Variants in CCDC91 observed in about 807,000 individuals in gnomAD.
The protein encoded by CCDC91 is coiled-coil domain-containing protein 91.
A neutral mutation model predicts 63.2 loss-of-function variants in CCDC91; 48 were observed. The ratio of observed to expected loss-of-function variants is 0.76; its 90% CI spans 0.60 to 0.97. The LOEUF is 0.97. Among genes scored for constraint, CCDC91 ranks in the 50% least tolerant of loss-of-function variants. CCDC91 has a pLI of 0.00. For missense variants in CCDC91, 500 were observed against 494.6 expected (o/e 1.01, Z -0.10); for synonymous variants, 167 against 165.8 (o/e 1.01, Z -0.06).
chr12:28,343,806 A>C (rs74643548), intron 6 of CCDC91, among the ~76,000 whole-genome samples: 1 of 152,142 alleles, frequency 6.6e-6, no homozygotes, highest in Non-Finnish European at 1.5e-5. Flanking sequence ...CTTTTGGTAC[A>C]CTGGTAATTT....
chr12:28,469,664 A>G (rs1950713822), intron 11 of CCDC91, among the ~76,000 whole-genome samples: 1 of 152,156 alleles, frequency 6.6e-6, no homozygotes, highest in South Asian at 2.1e-4. Flanking sequence ...AATTGGAGAA[A>G]TCACATTACC....
chr12:28,274,376 A>G (rs1186611603), intron 3 of CCDC91, among the ~76,000 whole-genome samples: 1 of 152,150 alleles, frequency 6.6e-6, no homozygotes, highest in Non-Finnish European at 1.5e-5. Context: ...AGTTCTGTGA[A>G]GAAAGTCATT....
At chr12:28,264,897 C>A (rs1947087367) in intron 3 of CCDC91, among the ~76,000 whole-genome samples, 1 of 151,894 alleles carries the variant, frequency 6.6e-6, no homozygotes, top group South Asian at 2.1e-4. Context: ...ACACCAAATG[C>A]CATGACCCGT....
chr12:28,198,189 A>G (rs10843124), intron 1 of CCDC91, among the ~76,000 whole-genome samples: 39,671 of 151,954 alleles, frequency 0.26, 5,451 homozygotes, highest in Non-Finnish European at 0.31. Flanking sequence ...TTTTTATTAT[A>G]TTCAGCCCTG....
chr12:28,426,145 GC>G lies in CCDC91; in HGVS notation c.763-24015del, dbSNP rs550444152. ...TAAATATGTCACTTCACACTTTTTT[GC>G]TTACATGGTTTCTAAAGAGAAATCC... On this transcript the variant is annotated intron_variant, in intron 8 of 12. Coordinates refer to ENST00000536442, the MANE Select transcript of CCDC91 (RefSeq NM_018318.5). Among the ~76,000 whole-genome samples the G allele has an allele frequency of 2.6e-5, 4 of 151,886 alleles. No homozygotes were observed. In the South Asian group the frequency reaches 8.3e-4, roughly 32 times the overall value.
intron 6 of CCDC91, among the ~76,000 whole-genome samples, chr12:28,342,503 T>C (rs1408383056): frequency 2.6e-5 from 4 of 152,146 alleles, no homozygotes; most frequent in South Asian, 2.1e-4. Context: ...AGGATGAGTA[T>C]AGAAAATTCT....
At chr12:28,258,906 A>G (rs910689925) in intron 2 of CCDC91, among the ~76,000 whole-genome samples, 6 of 152,046 alleles carry the variant, frequency 3.9e-5, no homozygotes, top group Non-Finnish European at 7.4e-5. Flanking sequence ...AACTCTAGGT[A>G]GTATATTATT....
At chr12:28,323,056 TA>T (rs1360132260) in intron 6 of CCDC91, among the ~76,000 whole-genome samples, 1 of 151,464 alleles carries the variant, frequency 6.6e-6, no homozygotes, top group African/African-American at 2.4e-5. Flanking sequence ...ATATTAGGAT[TA>T]TTTACATTTT....
intron 7 of CCDC91, among the ~76,000 whole-genome samples, chr12:28,376,697 A>G (rs941389680): frequency 4.0e-5 from 6 of 151,788 alleles, no homozygotes; most frequent in Non-Finnish European, 7.4e-5. Context: ...TTTTGCATAG[A>G]GGTGTTTACT....
rs10771427 is a variant in CCDC91, at chr12:28,452,493, G to A, written c.940G>A (p.Val314Met). The A allele has an allele frequency of 0.74, 1,157,312 of 1,558,316 alleles. 434,438 individuals carry two copies. Among genetic ancestry groups the A allele is most frequent in the African/African-American group, 0.82 (59,326 of 71,924 alleles). The change falls in exon 11 of 13, where the codon GTG becomes ATG. Residue 314 changes from valine (V) to methionine (M), a missense_variant. Transcript: ENST00000536442. ...VSAAKLEKEA[V>M]KDAVLKVVEE... ...TATTTTGAAGCTTGAAAAAGAAGCA[G>A]TGAAGGATGCAGTTTTAAAAGTCGT...
intron 6 of CCDC91, among the ~76,000 whole-genome samples, chr12:28,354,742 C>G (rs1432556778): frequency 3.3e-5 from 5 of 152,114 alleles, no homozygotes; most frequent in African/African-American, 7.2e-5. Context: ...TTTACTCAAA[C>G]TTTGGAGACC....
At chr12:28,532,826 G>A (rs956602332) in intron 12 of CCDC91, among the ~76,000 whole-genome samples, 19 of 152,178 alleles carry the variant, frequency 1.2e-4, no homozygotes, top group African/African-American at 4.6e-4. Context: ...TCAAGGATTT[G>A]TAATATACTG....
intron 1 of CCDC91, among the ~76,000 whole-genome samples, chr12:28,198,750 A>G (rs1941972813): frequency 6.6e-6 from 1 of 152,128 alleles, no homozygotes; most frequent in South Asian, 2.1e-4. Flanking sequence ...GAATCCATTT[A>G]CAATTAATGT....
chr12:28,504,962 A>G (rs1382450051), intron 12 of CCDC91, among the ~76,000 whole-genome samples: 1 of 151,956 alleles, frequency 6.6e-6, no homozygotes, highest in African/African-American at 2.4e-5. Context: ...AAAAACCTAA[A>G]CTATACACTT....
At chr12:28,194,259 CTCTCTCTG>C (rs1941541200) in intron 1 of CCDC91, among the ~76,000 whole-genome samples, 1 of 152,052 alleles carries the variant, frequency 6.6e-6, no homozygotes, top group African/African-American at 2.4e-5. Context: ...CTCTCTCTTT[CTCTCTCTG>C]TGTGTGTGTG....
At chr12:28,527,630 G>A (rs113842264) in intron 12 of CCDC91, among the ~76,000 whole-genome samples, 2,601 of 152,104 alleles carry the variant, frequency 0.017, 84 homozygotes, top group African/African-American at 0.059. Flanking sequence ...GTATGGGGGG[G>A]GAACATTTGG....
intron 1 of CCDC91, among the ~76,000 whole-genome samples, chr12:28,219,834 A>C: frequency 6.6e-6 from 1 of 152,286 alleles, no homozygotes; most frequent in South Asian, 2.1e-4. Context: ...TATACATTTG[A>C]ATATTATAGT....
intron 1 of CCDC91, among the ~76,000 whole-genome samples, chr12:28,248,416 AG>A (rs1945905722): frequency 6.6e-6 from 1 of 151,554 alleles, no homozygotes; most frequent in South Asian, 2.1e-4. Context: ...GAGATAGTCC[AG>A]GGAGTGTATC....
intron 12 of CCDC91, among the ~76,000 whole-genome samples, chr12:28,494,088 A>T (rs530945991): frequency 2.4e-4 from 37 of 151,828 alleles, no homozygotes; most frequent in Non-Finnish European, 4.6e-4. Context: ...AAGGGATAAG[A>T]TTTCCCTGCC....
Sources: gnomAD v4.1 joint callset for allele counts (sites outside exome capture counted in the v4.1 genomes callset) on GRCh38, gnomAD v4.1.1 for gene constraint, MANE v1.5 for transcripts, NCBI Gene and HGNC (gene_info 2026-07-23, HGNC 2026-07-21) for gene names.